KIAA1217: variants seen among roughly 807,000 people sequenced by gnomAD.
The protein encoded by KIAA1217 is sickle tail protein homolog.
Under a neutral mutation model 163.9 loss-of-function variants are expected in KIAA1217, and 88 were observed. The ratio of observed to expected loss-of-function variants is 0.54; its 90% CI spans 0.45 to 0.64. The LOEUF is 0.64. Among genes scored for constraint, KIAA1217 ranks in the 30% least tolerant of loss-of-function variants. The pLI, the probability that KIAA1217 is intolerant of heterozygous loss-of-function variation, is 0.00. For synonymous variants in KIAA1217, 903 were observed against 923.1 expected (o/e 0.98, Z 0.39); for missense variants, 2,372 against 2,475.0 (o/e 0.96, Z 0.88).
intron 1 of KIAA1217, among the ~76,000 whole-genome samples, chr10:23,980,026 A>G (rs1351307038): frequency 6.6e-6 from 1 of 152,036 alleles, no homozygotes; most frequent in Non-Finnish European, 1.5e-5. Context: ...TCATTTCACG[A>G]ATACCATATA....
chr10:24,498,763 G>A (rs377526580), intron 8 of KIAA1217, among the ~76,000 whole-genome samples: 1 of 152,180 alleles, frequency 6.6e-6, no homozygotes, highest in African/African-American at 2.4e-5. Context: ...GAGGCTCGGG[G>A]AATTGCACCG....
chr10:23,877,974 G>A (rs1840771974), intron 1 of KIAA1217, among the ~76,000 whole-genome samples: 1 of 151,842 alleles, frequency 6.6e-6, no homozygotes, highest in Non-Finnish European at 1.5e-5. Context: ...GGATTGCCCG[G>A]GGCACACAGT....
chr10:24,061,689 C>A (rs2060728195), intron 2 of KIAA1217, among the ~76,000 whole-genome samples: 1 of 152,136 alleles, frequency 6.6e-6, no homozygotes, highest in African/African-American at 2.4e-5. Flanking sequence ...TTTCTTTTAG[C>A]ACTTTGAATA....
intron 1 of KIAA1217, among the ~76,000 whole-genome samples, chr10:23,913,993 G>A (rs2131275242): frequency 6.6e-6 from 1 of 152,264 alleles, no homozygotes; most frequent in African/African-American, 2.4e-5. Flanking sequence ...TGCCAGGGGT[G>A]TTGCAGAAAC....
At chr10:24,413,899 AC>A (rs1264055767) in intron 3 of KIAA1217, among the ~76,000 whole-genome samples, 1 of 151,996 alleles carries the variant, frequency 6.6e-6, no homozygotes, top group East Asian at 1.9e-4. Context: ...CACACTCTAC[AC>A]TTACTTGTTT....
At chr10:24,361,066 C>T (rs2049922520) in intron 2 of KIAA1217, among the ~76,000 whole-genome samples, 1 of 152,032 alleles carries the variant, frequency 6.6e-6, no homozygotes, top group Non-Finnish European at 1.5e-5. Context: ...ATCCCATGAC[C>T]CACATAGAAT....
At chr10:23,835,997 G>T (rs979146080) in intron 1 of KIAA1217, among the ~76,000 whole-genome samples, 5 of 151,832 alleles carry the variant, frequency 3.3e-5, no homozygotes, top group Admixed American at 2.6e-4. Context: ...TTGGATATAG[G>T]GTCTTTAAAG....
chr10:24,525,247 T>G (rs919258448), intron 13 of KIAA1217, among the ~76,000 whole-genome samples: 5 of 152,190 alleles, frequency 3.3e-5, no homozygotes, highest in African/African-American at 1.2e-4. Context: ...ACAAGCCGGC[T>G]TCAAGCACTC....
chr10:24,364,159 A>G (rs1032900091), intron 2 of KIAA1217, among the ~76,000 whole-genome samples: 3 of 151,696 alleles, frequency 2.0e-5, no homozygotes, highest in African/African-American at 7.3e-5. Context: ...TTGTATTTTT[A>G]GTAAAGATGG....
At chr10:24,497,658 T>C (rs1203167541) in intron 8 of KIAA1217, among the ~76,000 whole-genome samples, 2 of 150,638 alleles carry the variant, frequency 1.3e-5, no homozygotes, top group African/African-American at 4.9e-5. Flanking sequence ...AGGTCAAGGC[T>C]GCAGTAAGCC....
At chr10:23,955,034 T>TAAC (rs1286702905) in intron 1 of KIAA1217, among the ~76,000 whole-genome samples, 8 of 152,202 alleles carry the variant, frequency 5.3e-5, no homozygotes, top group Admixed American at 3.9e-4. Flanking sequence ...TGGGCAATAA[T>TAAC]AACAAGTTAT....
At position 24,544,052 on chromosome 10, in the gene KIAA1217, A is replaced by T. The variant is rs1438119018; in HGVS notation, c.4782A>T (p.Lys1594Asn). Residue 1594 changes from lysine to asparagine, a missense_variant, in exon 19 of 21, where the codon AAA (lysine) becomes AAT (asparagine). Physicochemically the swap from Lys to Asn is moderately conservative, Grantham distance 94. Transcript: ENST00000376454. ...CTCAAGCCATTCGCACCGGAACTAA[A>T]ACAGGGAAGAAGACTTTGCAAGTGG... ...ALTQAIRTGT[K>N]TGKKTLQVVV... The T allele has an allele frequency of 3.7e-6, 6 of 1,614,132 alleles. No homozygotes were observed. The highest frequency in any genetic ancestry group is 5.1e-6 in the Non-Finnish European group (6 of 1,180,016).
At chr10:23,734,239 A>G (rs1326099615) in intron 1 of KIAA1217, among the ~76,000 whole-genome samples, 1 of 150,600 alleles carries the variant, frequency 6.6e-6, no homozygotes, top group Non-Finnish European at 1.5e-5. Flanking sequence ...GGAAAGCACT[A>G]TTCTTACTTT....
intron 1 of KIAA1217, among the ~76,000 whole-genome samples, chr10:23,987,406 CT>C (rs1227832665): frequency 7.6e-6 from 1 of 130,858 alleles, no homozygotes; most frequent in African/African-American, 2.7e-5. Context: ...ACCCTTCTTA[CT>C]TTTGTTTTTT....
At chr10:23,843,064 G>A (rs1026749217) in intron 1 of KIAA1217, among the ~76,000 whole-genome samples, 3 of 152,152 alleles carry the variant, frequency 2.0e-5, no homozygotes, top group Non-Finnish European at 4.4e-5. Context: ...TAGTCGTGAA[G>A]TGGAATCACT....
chr10:24,425,215 A>AT (rs1336111928), intron 3 of KIAA1217, among the ~76,000 whole-genome samples: 1 of 152,310 alleles, frequency 6.6e-6, no homozygotes, highest in African/African-American at 2.4e-5. Context: ...AAACATCCTT[A>AT]TTTTAGAAAG....
intron 8 of KIAA1217, among the ~76,000 whole-genome samples, chr10:24,498,212 C>G (rs1054250177): frequency 6.6e-6 from 1 of 151,936 alleles, no homozygotes; most frequent in East Asian, 1.9e-4. Context: ...GAGAAGTGGA[C>G]CCAGGGACAC....
intron 2 of KIAA1217, among the ~76,000 whole-genome samples, chr10:24,304,338 A>T (rs2041755984): frequency 6.6e-6 from 1 of 151,346 alleles, no homozygotes; most frequent in Admixed American, 6.6e-5. Flanking sequence ...CTTTATTTAA[A>T]TTTTTTTAAC....
At chr10:24,106,274 A>G (rs982034741) in intron 2 of KIAA1217, among the ~76,000 whole-genome samples, 4 of 152,148 alleles carry the variant, frequency 2.6e-5, no homozygotes, top group Non-Finnish European at 4.4e-5. Context: ...AGGTGTAGCC[A>G]TGTAATTATC....
Sources: gnomAD v4.1 joint callset for allele counts (sites outside exome capture counted in the v4.1 genomes callset) on GRCh38, gnomAD v4.1.1 for gene constraint, MANE v1.5 for transcripts, NCBI Gene and HGNC (gene_info 2026-07-23, HGNC 2026-07-21) for gene names.